Variants in MLF1 observed in about 807,000 individuals in gnomAD.
MLF1 encodes myelodysplasia-myeloid leukemia factor 1.
Under a neutral mutation model 38.3 loss-of-function variants are expected in MLF1, and 37 were observed. The observed-to-expected ratio is 0.96, with a 90% CI of 0.74 to 1.27. The LOEUF is 1.27. Ranked by LOEUF, MLF1 falls within the 50% of genes most tolerant of loss-of-function variation. The pLI, the probability that MLF1 is intolerant of heterozygous loss-of-function variation, is 0.00. For synonymous variants in MLF1, 95 were observed against 106.5 expected, an observed-to-expected ratio of 0.89 and a Z score of 0.66; for missense variants, 331 against 349.2, an observed-to-expected ratio of 0.95 and a Z score of 0.42.
rs138332834 is a variant in MLF1, at chr3:158,597,974, T to G, written c.325-106T>G. The G allele has an allele frequency of 8.4e-4, 995 of 1,184,046 alleles. 9 individuals carry two copies. In the African/African-American group the frequency reaches 0.014, roughly 17 times the overall value. 73.3% of individuals were successfully genotyped at this position (1,184,046 alleles called of 1,614,324 possible). Reference sequence around the variant, plus strand: ...CTTTGACTACACCATATTGGTAGTTTAGTATCCTTAGTAGAACTTACAGCT... The same window carrying G: ...CTTTGACTACACCATATTGGTAGTTGAGTATCCTTAGTAGAACTTACAGCT... On this transcript the variant is annotated intron_variant, in intron 4 of 7. Coordinates refer to ENST00000466246, the MANE Select transcript of MLF1 (RefSeq NM_001369783.1).
chr3:158,599,621 G>A (rs903172916), intron 5 of MLF1, among the ~76,000 whole-genome samples: 3 of 151,900 alleles, frequency 2.0e-5, no homozygotes, highest in East Asian at 1.9e-4. Context: ...GTTGATAGTC[G>A]GGAATCATGA....
chr3:158,603,000 A>G, intron 7 of MLF1, 61 bp downstream of exon 7: 1 of 1,453,744 alleles, frequency 6.9e-7, no homozygotes, highest in Non-Finnish European at 9.4e-7. Context: ...AAGTTATGTA[A>G]TTTACTTCTG....
intron 5 of MLF1, 107 bp downstream of exon 5, chr3:158,598,315 GGACAGGAGGGAGGTGT>G: frequency 9.1e-7 from 1 of 1,094,800 alleles, no homozygotes; most frequent in Non-Finnish European, 1.3e-6. Flanking sequence ...GATGGTGGGG[GGACAGGAGGGAGGTGT>G]GGGGGTTGGG....
intron 1 of MLF1, chr3:158,590,859 T>C (rs1319270071): frequency 2.2e-6 from 1 of 447,958 alleles, no homozygotes; most frequent in Non-Finnish European, 4.5e-6. Context: ...TTGGTAAATT[T>C]CGTTGAATGT....
chr3:158,596,178 T>C (rs1335915882), intron 3 of MLF1, among the ~76,000 whole-genome samples: 1 of 152,282 alleles, frequency 6.6e-6, no homozygotes, highest in Non-Finnish European at 1.5e-5. Context: ...TTATTGCCAG[T>C]GTCCACTGAG....
In MLF1 at chr3:158,606,233, T is replaced by C. The variant is rs1377776150; in HGVS notation, c.*1031T>C. On this transcript the variant is annotated 3_prime_UTR_variant, in exon 8 of 8. Coordinates refer to ENST00000466246, the MANE Select transcript of MLF1 (RefSeq NM_001369783.1). The stretch of plus-strand genomic sequence containing the variant: ...AAGTTAGGTTTGAAGTTTATAAGAA[T>C]ATAAAATCTTAACTCACATTTGTTG... 5.7e-6 allele frequency: 1 copy of C among 176,820 alleles called. No homozygotes were observed. The highest frequency in any genetic ancestry group is 1.2e-5 in the Non-Finnish European group (1 of 82,126). 11.0% of individuals were successfully genotyped at this position (176,820 alleles called of 1,614,324 possible).
chr3:158,592,402 G>A, intron 1 of MLF1, 32 bp from the exon 2 acceptor site: 1 of 1,568,052 alleles, frequency 6.4e-7, no homozygotes, highest in Non-Finnish European at 8.6e-7. Context: ...CTCCAACACT[G>A]AATCTTTCAT....
chr3:158,578,926 G>A (rs1715894952), intron 1 of MLF1, among the ~76,000 whole-genome samples: 1 of 152,018 alleles, frequency 6.6e-6, no homozygotes, highest in Admixed American at 6.6e-5. Context: ...ACACTTTATG[G>A]TTAATTATTC....
At chr3:158,577,986 T>A (rs148274941) in intron 1 of MLF1, among the ~76,000 whole-genome samples, 33 of 152,332 alleles carry the variant, frequency 2.2e-4, no homozygotes, top group African/African-American at 7.7e-4. Context: ...ATTCATTCTT[T>A]AAATATTTCT....
intron 7 of MLF1, 119 bp from the exon 8 acceptor site, chr3:158,604,978 A>G: frequency 2.6e-6 from 2 of 771,192 alleles, no homozygotes; most frequent in Non-Finnish European, 4.1e-6. Context: ...CAAAGCCATT[A>G]AGGAATTTTT....
At chr3:158,581,444 T>C (rs1217743306) in intron 1 of MLF1, among the ~76,000 whole-genome samples, 1 of 152,116 alleles carries the variant, frequency 6.6e-6, no homozygotes, top group Non-Finnish European at 1.5e-5. Context: ...GGAAGGCAAA[T>C]ACCCAACTCC....
Position 158,592,547 on chromosome 3 carries a change from G to T in MLF1, c.161G>T (p.Arg54Leu), listed in dbSNP as rs200582831. The change falls in exon 2 of 8, where the codon CGT becomes CTT. Residue 54 changes from arginine to leucine, a missense_variant. Coordinates refer to ENST00000466246, the MANE Select transcript of MLF1 (RefSeq NM_001369783.1). ...GATGGTAGAGGGAGAGCTCATAATCGTAGAGGACATAATGATGGTGAAGAT... is the reference window on the plus strand; with the variant it reads ...GATGGTAGAGGGAGAGCTCATAATCTTAGAGGACATAATGATGGTGAAGAT... The part of the protein sequence containing the change: ...ISDGRGRAHN[R>L]RGHNDGEDSL... 6.2e-7 allele frequency: 1 copy of T among 1,611,536 alleles called. No homozygotes were observed. The highest frequency in any genetic ancestry group is 8.5e-7 in the Non-Finnish European group (1 of 1,179,254).
At chr3:158,594,024 A>T (rs1324447805) in intron 3 of MLF1, among the ~76,000 whole-genome samples, 1 of 151,862 alleles carries the variant, frequency 6.6e-6, no homozygotes, top group African/African-American at 2.4e-5. Context: ...TTGTATCTAC[A>T]GTCTCATGAA....
intron 1 of MLF1, among the ~76,000 whole-genome samples, chr3:158,586,086 C>T (rs775829540): frequency 9.9e-5 from 15 of 151,822 alleles, no homozygotes; most frequent in African/African-American, 3.4e-4. Flanking sequence ...ATTGCTTGAA[C>T]CCAGGAGGCG....
intron 4 of MLF1, 75 bp from the exon 5 acceptor site, chr3:158,598,005 T>A: frequency 6.9e-7 from 1 of 1,457,320 alleles, no homozygotes. Context: ...CAGCTAGTGT[T>A]GTTACTTATT....
At chr3:158,579,805 A>C (rs1490761464) in intron 1 of MLF1, among the ~76,000 whole-genome samples, 1 of 152,196 alleles carries the variant, frequency 6.6e-6, no homozygotes, top group Non-Finnish European at 1.5e-5. Flanking sequence ...GGAAAAGTTG[A>C]CTGGTTTTCC....
chr3:158,586,700 C>T (rs1180652153), intron 1 of MLF1, among the ~76,000 whole-genome samples: 1 of 152,086 alleles, frequency 6.6e-6, no homozygotes, highest in Non-Finnish European at 1.5e-5. Context: ...TAAAAACCCC[C>T]GACTAGCTCA....
At position 158,605,462 on chromosome 3, in the gene MLF1, A is replaced by G. The variant is rs565812114; in HGVS notation, c.*260A>G. On this transcript the variant is annotated 3_prime_UTR_variant, in exon 8 of 8. Coordinates refer to ENST00000466246, the MANE Select transcript of MLF1 (RefSeq NM_001369783.1). ...AACATACTAATTTTTTAAAGCTTAT[A>G]TGCTTATTTCGCTTCCCCAGTTGTT... 65 of 281,976 alleles carry G rather than the reference A, an allele frequency of 2.3e-4. No individual in the cohort carries two copies. The highest frequency in any genetic ancestry group is 1.3e-3 in the African/African-American group (62 of 46,624). 17.5% of individuals were successfully genotyped at this position (281,976 alleles called of 1,614,324 possible). A position where few individuals can be genotyped will look rare whatever the true frequency, so the allele number is the denominator to read the frequency against.
intron 2 of MLF1, 27 bp downstream of exon 2, chr3:158,592,608 G>C: frequency 6.4e-7 from 1 of 1,573,550 alleles, no homozygotes; most frequent in Non-Finnish European, 8.6e-7. Context: ...AAGACAGTTA[G>C]TGAGAAGGCC....
Sources: allele counts gnomAD v4.1 joint callset (sites outside exome capture counted in the v4.1 genomes callset), GRCh38; gene constraint gnomAD v4.1.1; transcripts MANE v1.5; gene names NCBI Gene and HGNC (gene_info 2026-07-23, HGNC 2026-07-21).